DDX27: variants seen among roughly 807,000 people sequenced by gnomAD.
DDX27 encodes DEAD-box helicase 27, also known as probable ATP-dependent RNA helicase DDX27.
A neutral mutation model predicts 99.3 loss-of-function variants in DDX27; 42 were observed. The ratio of observed to expected loss-of-function variants is 0.42; its 90% CI spans 0.33 to 0.55. The LOEUF is 0.55. Among genes scored for constraint, DDX27 ranks in the 20% least tolerant of loss-of-function variants. The probability of loss-of-function intolerance (pLI) is 0.07; values close to 1 mark genes in which losing one functional copy is unlikely to be tolerated. For missense variants in DDX27, 798 were observed against 976.8 expected (o/e 0.82, Z 2.44); for synonymous variants, 329 against 353.8 (o/e 0.93, Z 0.79).
Position 49,220,615 on chromosome 20 carries a change from C to CGCGG in DDX27, c.94-832_94-829dup, listed in dbSNP as rs533017962. The stretch of plus-strand genomic sequence containing the variant: ...CCATTTCCCCGATGTCCCCTGTGGG[C>CGCGG]GCGGGCGGCCACCCAGGCCTGCTGG... On this transcript the variant is annotated intron_variant, in intron 1 of 20. Transcript: ENST00000618172. 3.9e-5 allele frequency among the ~76,000 whole-genome samples: 6 copies of CGCGG among 152,164 alleles called. No homozygotes were observed. In the South Asian group the frequency reaches 1.2e-3, roughly 32 times the overall value.
intron 11 of DDX27, 101 bp from the exon 12 acceptor site, chr20:49,234,834 C>T: frequency 2.9e-6 from 4 of 1,356,482 alleles, no homozygotes; most frequent in Non-Finnish European, 4.0e-6. Flanking sequence ...GCCTGTCTAT[C>T]CAGTGCCAGG....
intron 16 of DDX27, among the ~76,000 whole-genome samples, chr20:49,240,344 T>C (rs1251851506): frequency 6.6e-6 from 1 of 152,236 alleles, no homozygotes; most frequent in Non-Finnish European, 1.5e-5. Flanking sequence ...AAAACACTTA[T>C]AAGTTCACAT....
chr20:49,226,583 G>A, intron 7 of DDX27, 48 bp downstream of exon 7: 2 of 1,429,446 alleles, frequency 1.4e-6, no homozygotes, highest in Non-Finnish European at 9.8e-7. Flanking sequence ...TTACGGCCAG[G>A]GCTGGGCTCT....
At chr20:49,226,706 G>A (rs1979901319) in intron 7 of DDX27, among the ~76,000 whole-genome samples, 171 bp downstream of exon 7, 1 of 152,020 alleles carries the variant, frequency 6.6e-6, no homozygotes, top group South Asian at 2.1e-4. Context: ...TGTCCAGGCT[G>A]GTCTTGAATT....
chr20:49,236,553 C>A lies in DDX27; in HGVS notation c.1687+43C>A. ...TGGCAGTGCAGAATGGCTCGGTGGG[C>A]GGGGCAAGGACAGAGTGTAATGGCT... On this transcript the variant is annotated intron_variant, in intron 14 of 20. Transcript: ENST00000618172. The surrounding 1 kb of genome is among the most constrained non-coding windows in gnomAD (Gnocchi z 4.1). 2 of 1,502,320 alleles carry A rather than the reference C, an allele frequency of 1.3e-6. No homozygotes were observed. Among genetic ancestry groups the A allele is most frequent in the South Asian group, 2.7e-5 (2 of 73,140 alleles). 93.1% of individuals were successfully genotyped at this position (1,502,320 alleles called of 1,614,324 possible).
intron 12 of DDX27, chr20:49,235,316 A>G: frequency 2.3e-6 from 1 of 430,360 alleles, no homozygotes. Context: ...GCTTGTCCCT[A>G]GCATGGGAGC....
At chr20:49,222,160 T>G (rs745355136) in intron 2 of DDX27, among the ~76,000 whole-genome samples, 1 of 151,772 alleles carries the variant, frequency 6.6e-6, no homozygotes, top group Non-Finnish European at 1.5e-5. Flanking sequence ...TGAGACAGAG[T>G]CTCTCTCCAT....
chr20:49,230,048 C>T (rs1014934977), intron 8 of DDX27, 151 bp from the exon 9 acceptor site: 2 of 805,568 alleles, frequency 2.5e-6, no homozygotes, highest in Admixed American at 6.3e-5. Context: ...CAGTGCGTTT[C>T]TGGGAAACCC....
At position 49,242,135 on chromosome 20, in the gene DDX27, G is replaced by A. The variant is rs766457669; in HGVS notation, c.2045G>A (p.Arg682Gln). The A allele has an allele frequency of 4.3e-6, 7 of 1,614,188 alleles. No individual in the cohort carries two copies. Among genetic ancestry groups the A allele is most frequent in the East Asian group, 4.5e-5 (2 of 44,890 alleles). ...CTCAAGGCGCAGATGTTTGCTGAAC[G>A]GCTAGCGAAGAGGAATCGCAGAGCC... ...EILKAQMFAE[R>Q]LAKRNRRAKR... The change falls in exon 18 of 21, where the codon CGG (arginine) becomes CAG (glutamine). Residue 682 changes from arginine to glutamine, a missense_variant. Around this residue, in one of 2 missense-constraint regions of DDX27, gnomAD observed 553 missense variants for 727.9 expected, o/e 0.76. Transcript: ENST00000618172.
At chr20:49,223,572 CTTT>C (rs375594056) in intron 4 of DDX27, 139 bp downstream of exon 4, 661 of 438,342 alleles carry the variant, frequency 1.5e-3, no homozygotes, top group South Asian at 2.2e-3. Flanking sequence ...TCCTTTCTTT[CTTT>C]TTTTTTTTTT....
chr20:49,235,335 GGCGTGACAGAGGAA>G (rs1297342717), intron 12 of DDX27: 1 of 384,966 alleles, frequency 2.6e-6, no homozygotes, highest in East Asian at 4.1e-5. Flanking sequence ...GCTGTTGTGT[GGCGTGACAGAGGAA>G]GCTGGCTTGG....
chr20:49,224,493 G>T (rs1979805932), intron 4 of DDX27, among the ~76,000 whole-genome samples: 1 of 151,556 alleles, frequency 6.6e-6, no homozygotes, highest in African/African-American at 2.4e-5. Flanking sequence ...CTCCCAAGTA[G>T]CTGGGACTAC....
Position 49,223,274 on chromosome 20 carries a change from G to A in DDX27, c.307G>A (p.Glu103Lys). ...ACTTTAATTTTTTTCCCAGGATAAAGAAGCCAAGTCTGGGAAGTTGGAAAA... is the reference window on the plus strand; with the variant it reads ...ACTTTAATTTTTTTCCCAGGATAAAAAAGCCAAGTCTGGGAAGTTGGAAAA... ...VRKKRKTEDK[E>K]AKSGKLEKEK... The change falls in exon 4 of 21, where the codon GAA becomes AAA. Residue 103 changes from glutamate (E) to lysine (K), a missense_variant. By Grantham distance (56) the Glu-to-Lys change is moderately conservative (BLOSUM62 1). Coordinates refer to ENST00000618172, the MANE Select transcript of DDX27 (RefSeq NM_017895.8). 1 of 1,606,578 alleles carries A rather than the reference G, an allele frequency of 6.2e-7. No homozygotes were observed. The highest frequency in any genetic ancestry group is 2.2e-5 in the East Asian group (1 of 44,858).
intron 9 of DDX27, among the ~76,000 whole-genome samples, chr20:49,232,449 G>A (rs1980143781): frequency 6.6e-6 from 1 of 151,940 alleles, no homozygotes; most frequent in South Asian, 2.1e-4. Flanking sequence ...GACCAACATG[G>A]AGAAACCCCA....
chr20:49,240,246 G>A (rs1980435040), intron 16 of DDX27, among the ~76,000 whole-genome samples: 1 of 152,020 alleles, frequency 6.6e-6, no homozygotes, highest in African/African-American at 2.4e-5. Context: ...TTTTATATGT[G>A]TATATATAAC....
At chr20:49,225,056 T>G in intron 5 of DDX27, 57 bp from the exon 6 acceptor site, 1 of 1,612,760 alleles carries the variant, frequency 6.2e-7, no homozygotes, top group Admixed American at 1.7e-5. Flanking sequence ...TAAGGTCGTT[T>G]GGGTTTCTTG....
At chr20:49,225,555 A>G (rs1979855869) in intron 6 of DDX27, among the ~76,000 whole-genome samples, 1 of 145,424 alleles carries the variant, frequency 6.9e-6, no homozygotes, top group African/African-American at 2.6e-5. Flanking sequence ...TCCCGGGTTC[A>G]CGCCATTCTC....
chr20:49,222,309 GT>G (rs200145978), intron 2 of DDX27, among the ~76,000 whole-genome samples: 83 of 147,838 alleles, frequency 5.6e-4, no homozygotes, highest in Non-Finnish European at 1.1e-3. Flanking sequence ...ATTTTTTGTA[GT>G]TTTTTTTTGT....
intron 9 of DDX27, chr20:49,232,803 G>A (rs1297216251): frequency 1.2e-5 from 2 of 172,288 alleles, no homozygotes; most frequent in African/African-American, 4.8e-5. Context: ...AAGTGGGTGT[G>A]GTGGTGCATG....
Sources: allele counts gnomAD v4.1 joint callset (sites outside exome capture counted in the v4.1 genomes callset), GRCh38; gene constraint gnomAD v4.1.1; regional missense constraint gnomAD v4.1.1; non-coding constraint Gnocchi (gnomAD v3.1); transcripts MANE v1.5; gene names NCBI Gene and HGNC (gene_info 2026-07-23, HGNC 2026-07-21).